EPHA5: variants seen among roughly 807,000 people sequenced by gnomAD.
EPHA5 encodes the protein EPH receptor A5.
A neutral mutation model predicts 105.0 loss-of-function variants in EPHA5; 60 were observed. That is an observed-to-expected ratio of 0.57 (90% CI 0.46 to 0.71). EPHA5 has a LOEUF of 0.71. EPHA5 is among the 30% of genes least tolerant of loss of function. The probability of loss-of-function intolerance (pLI) is 0.00; values close to 1 mark genes in which losing one functional copy is unlikely to be tolerated. For missense variants in EPHA5, 1,218 were observed against 1,274.7 expected (o/e 0.96, Z 0.68); for synonymous variants, 513 against 449.1 (o/e 1.14, Z -1.80).
At chr4:65,628,879 T>C (rs1386796702) in intron 2 of EPHA5, among the ~76,000 whole-genome samples, 2 of 152,162 alleles carry the variant, frequency 1.3e-5, no homozygotes, top group African/African-American at 4.8e-5. Context: ...AAAACTCTCT[T>C]AAATTTTTTT....
chr4:65,425,969 A>G (rs1724398305), intron 5 of EPHA5, among the ~76,000 whole-genome samples: 1 of 152,166 alleles, frequency 6.6e-6, no homozygotes, highest in African/African-American at 2.4e-5. Flanking sequence ...TATTTTTCTG[A>G]CAACTTCGTA....
intron 1 of EPHA5, among the ~76,000 whole-genome samples, chr4:65,659,314 TAACAGAAAAAAAAAA>T (rs1308460189): frequency 1.5e-5 from 1 of 66,328 alleles, no homozygotes; most frequent in African/African-American, 7.4e-5. Context: ...TATACTAGAG[TAACAGAAAAAAAAAA>T]AAAAAAAAAA....
intron 1 of EPHA5, among the ~76,000 whole-genome samples, chr4:65,651,888 A>C (rs2149530062): frequency 6.6e-6 from 1 of 152,242 alleles, no homozygotes; most frequent in South Asian, 2.1e-4. Context: ...GTCTGTACAA[A>C]GTGTTAAGGC....
intron 2 of EPHA5, among the ~76,000 whole-genome samples, chr4:65,613,612 G>C (rs1431991065): frequency 6.6e-6 from 1 of 151,804 alleles, no homozygotes; most frequent in East Asian, 1.9e-4. Flanking sequence ...AATATATTAA[G>C]AATTCCAGTG....
At chr4:65,416,663 A>G (rs1026022906) in intron 6 of EPHA5, among the ~76,000 whole-genome samples, 4 of 152,190 alleles carry the variant, frequency 2.6e-5, no homozygotes, top group African/African-American at 7.2e-5. Context: ...TCTAATATCA[A>G]TTGCAGAACA....
intron 3 of EPHA5, among the ~76,000 whole-genome samples, chr4:65,573,214 A>G (rs138181525): frequency 0.043 from 6,487 of 151,626 alleles, 449 homozygotes; most frequent in African/African-American, 0.15. Context: ...TATAGAGACC[A>G]TCCTCGCTAA....
intron 3 of EPHA5, among the ~76,000 whole-genome samples, chr4:65,595,738 G>T (rs1487731095): frequency 2.6e-5 from 4 of 151,846 alleles, no homozygotes; most frequent in Admixed American, 6.6e-5. Flanking sequence ...CCGCCACCAC[G>T]CCGGGCTAAT....
intron 2 of EPHA5, among the ~76,000 whole-genome samples, chr4:65,616,562 T>C (rs759245888): frequency 2.3e-4 from 35 of 151,572 alleles, no homozygotes; most frequent in Non-Finnish European, 4.9e-4. Context: ...AAAACAAAAA[T>C]TATAATTCAG....
chr4:65,619,713 T>TTA (rs752859437), intron 2 of EPHA5, among the ~76,000 whole-genome samples: 3 of 151,838 alleles, frequency 2.0e-5, no homozygotes, highest in African/African-American at 4.8e-5. Flanking sequence ...TCATTAATTA[T>TTA]TATATATATA....
rs1366460386 is a variant in EPHA5, at chr4:65,519,573, G to GATTGTCCTGTTTGC, written c.911-24031_911-24030insGCAAACAGGACAAT. 8.0e-5 allele frequency among the ~76,000 whole-genome samples: 12 copies of GATTGTCCTGTTTGC among 150,696 alleles called. 1 individual carries two copies. The highest frequency in any genetic ancestry group is 6.7e-4 in the Admixed American group (10 of 14,978). Reference sequence around the variant, plus strand: ...AAATAAAGGGTATTCAATTAGGAAAGAGGAAGTCAAATTGTCCCTGTTTGC... The same window carrying GATTGTCCTGTTTGC: ...AAATAAAGGGTATTCAATTAGGAAAGATTGTCCTGTTTGCAGGAAGTCAAATTGTCCCTGTTTGC... On this transcript the variant is annotated intron_variant, in intron 3 of 16. Coordinates refer to ENST00000613740, the MANE Select transcript of EPHA5 (RefSeq NM_001281766.3).
At chr4:65,427,920 A>C (rs908760273) in intron 5 of EPHA5, among the ~76,000 whole-genome samples, 7 of 152,170 alleles carry the variant, frequency 4.6e-5, no homozygotes, top group Non-Finnish European at 8.8e-5. Context: ...GTGTATGATC[A>C]TGTAACAATT....
At chr4:65,352,281 C>A (rs1722889875) in intron 12 of EPHA5, among the ~76,000 whole-genome samples, 1 of 151,960 alleles carries the variant, frequency 6.6e-6, no homozygotes, top group Admixed American at 6.6e-5. Flanking sequence ...GGACCATTAT[C>A]AAATTCATTG....
Position 65,411,460 on chromosome 4 carries a change from C to T in EPHA5, c.1687+2824G>A, listed in dbSNP as rs560296552. On this transcript the variant is annotated intron_variant, in intron 7 of 16. Transcript: ENST00000613740. ...GTATCATCCTTATGAATTGAACAGG[C>T]AATTGGAAAATTCTTTTTAAAAAGT... is the stretch of plus-strand genomic sequence containing the variant. 1.2e-4 allele frequency among the ~76,000 whole-genome samples: 18 copies of T among 152,106 alleles called. No individual in the cohort carries two copies. In the South Asian group the frequency reaches 3.1e-3, roughly 26 times the overall value.
At chr4:65,510,058 G>A (rs977083710) in intron 3 of EPHA5, among the ~76,000 whole-genome samples, 1 of 144,398 alleles carries the variant, frequency 6.9e-6, no homozygotes, top group African/African-American at 2.6e-5. Context: ...TTTCGAGATG[G>A]AGTTTCACTC....
chr4:65,431,864 A>C (rs918276990), intron 5 of EPHA5, among the ~76,000 whole-genome samples: 6 of 152,120 alleles, frequency 3.9e-5, no homozygotes, highest in Admixed American at 3.9e-4. Context: ...TACAGCTAGA[A>C]AAAGAACAAG....
chr4:65,605,569 G>T (rs947272487), intron 2 of EPHA5, among the ~76,000 whole-genome samples: 2 of 152,110 alleles, frequency 1.3e-5, no homozygotes, highest in Admixed American at 1.3e-4. Flanking sequence ...CATGTGAACA[G>T]AGACAATTTT....
At chr4:65,654,080 C>G (rs189861917) in intron 1 of EPHA5, among the ~76,000 whole-genome samples, 100 of 152,074 alleles carry the variant, frequency 6.6e-4, no homozygotes, top group African/African-American at 2.4e-3. Flanking sequence ...CGGTGCTTCT[C>G]TTTCCCTTTT....
intron 11 of EPHA5, among the ~76,000 whole-genome samples, chr4:65,353,698 T>TA (rs1377341568): frequency 6.6e-6 from 1 of 151,816 alleles, no homozygotes; most frequent in Non-Finnish European, 1.5e-5. Context: ...CAATTCTAAA[T>TA]AAAAACTCCA....
chr4:65,374,985 A>G (rs10004140), intron 8 of EPHA5, among the ~76,000 whole-genome samples: 8,393 of 151,878 alleles, frequency 0.055, 437 homozygotes, highest in African/African-American at 0.13. Flanking sequence ...TTTCTTCCTA[A>G]TGCTTTAATC....
Sources: gnomAD v4.1 joint callset for allele counts (sites outside exome capture counted in the v4.1 genomes callset) on GRCh38, gnomAD v4.1.1 for gene constraint, MANE v1.5 for transcripts, NCBI Gene and HGNC (gene_info 2026-07-23, HGNC 2026-07-21) for gene names.